Variants in ASTN2 observed in about 807,000 individuals in gnomAD.
ASTN2 encodes astrotactin-2.
Under a neutral mutation model 139.8 loss-of-function variants are expected in ASTN2, and 54 were observed. The observed-to-expected ratio is 0.39, with a 90% CI of 0.31 to 0.48. ASTN2 has a LOEUF of 0.48. ASTN2 is among the 20% of genes least tolerant of loss of function. The pLI, the probability that ASTN2 is intolerant of heterozygous loss-of-function variation, is 0.95. For synonymous variants in ASTN2, 756 were observed against 719.5 expected, an observed-to-expected ratio of 1.05 and a Z score of -0.81; for missense variants, 1,565 against 1,725.1, an observed-to-expected ratio of 0.91 and a Z score of 1.64.
At chr9:116,920,300 G>A (rs1376748054) in intron 10 of ASTN2, among the ~76,000 whole-genome samples, 1 of 152,218 alleles carries the variant, frequency 6.6e-6, no homozygotes, top group African/African-American at 2.4e-5. Flanking sequence ...GCTCTACATA[G>A]AGGCCCTAAA....
chr9:117,386,389 T>C (rs1830400652), intron 1 of ASTN2, among the ~76,000 whole-genome samples: 1 of 152,050 alleles, frequency 6.6e-6, no homozygotes, highest in Admixed American at 6.6e-5. Flanking sequence ...CAGGAAGACA[T>C]GGATATGTAC....
At chr9:116,689,042 G>C (rs569587415) in intron 16 of ASTN2, among the ~76,000 whole-genome samples, 17 of 152,172 alleles carry the variant, frequency 1.1e-4, no homozygotes, top group Middle Eastern at 3.4e-3. Context: ...GGCCTCAAGT[G>C]GGTAGATTAA....
chr9:116,437,590 G>A (rs796465246), intron 22 of ASTN2: 67 of 470,950 alleles, frequency 1.4e-4, no homozygotes, highest in African/African-American at 1.2e-3. Context: ...GATTCCAGGA[G>A]GCTGTAAAGA....
intron 7 of ASTN2, among the ~76,000 whole-genome samples, chr9:116,990,779 T>C (rs893301045): frequency 2.6e-5 from 4 of 152,176 alleles, no homozygotes; most frequent in African/African-American, 9.7e-5. Flanking sequence ...TGGGATATAA[T>C]GGAGAATCAT....
intron 5 of ASTN2, among the ~76,000 whole-genome samples, chr9:117,071,983 C>G (rs770743718): frequency 3.9e-5 from 6 of 152,200 alleles, no homozygotes; most frequent in Non-Finnish European, 7.3e-5. Flanking sequence ...GAGTCAGTCA[C>G]GCTGGGAGCT....
At chr9:116,975,402 A>G (rs1836316714) in intron 9 of ASTN2, 57 bp from the exon 10 acceptor site, 1 of 1,509,850 alleles carries the variant, frequency 6.6e-7, no homozygotes. Context: ...GCAAACAGAA[A>G]AAAGGGGCCC....
At chr9:116,906,498 C>G (rs968498339) in intron 10 of ASTN2, among the ~76,000 whole-genome samples, 1 of 152,118 alleles carries the variant, frequency 6.6e-6, no homozygotes, top group African/African-American at 2.4e-5. Flanking sequence ...ACAGAAGACC[C>G]TTCTCTCATT....
chr9:117,044,563 T>C (rs1838677509), intron 5 of ASTN2, among the ~76,000 whole-genome samples: 1 of 152,182 alleles, frequency 6.6e-6, no homozygotes, highest in Admixed American at 6.5e-5. Flanking sequence ...TAGACAGCCC[T>C]GAGGTGGAAA....
At chr9:116,610,823 A>G (rs1327243445) in intron 19 of ASTN2, 4 of 152,158 alleles carry the variant, frequency 2.6e-5, no homozygotes, top group African/African-American at 7.2e-5. Flanking sequence ...AAAATAAAAC[A>G]TGATAAAACT....
At chr9:116,942,946 A>G (rs889921713) in intron 10 of ASTN2, among the ~76,000 whole-genome samples, 8 of 152,332 alleles carry the variant, frequency 5.3e-5, no homozygotes, top group Admixed American at 4.6e-4. Context: ...TTGTGGTCCC[A>G]TTTCACATCC....
intron 7 of ASTN2, among the ~76,000 whole-genome samples, chr9:116,978,204 A>G (rs527339129): frequency 6.6e-6 from 1 of 151,846 alleles, no homozygotes; most frequent in Non-Finnish European, 1.5e-5. Context: ...TCACCAACTT[A>G]TTTTTCTTTG....
chr9:117,364,044 T>C (rs543475671), intron 1 of ASTN2, among the ~76,000 whole-genome samples: 1 of 152,306 alleles, frequency 6.6e-6, no homozygotes, highest in African/African-American at 2.4e-5. Context: ...TTCTGAGTCA[T>C]ATTCACAGTA....
intron 6 of ASTN2, among the ~76,000 whole-genome samples, chr9:117,024,097 G>A (rs1030273013): frequency 3.9e-5 from 6 of 152,144 alleles, no homozygotes; most frequent in Non-Finnish European, 5.9e-5. Context: ...CCTCAAACGA[G>A]TTCTTCAAGG....
intron 19 of ASTN2, among the ~76,000 whole-genome samples, chr9:116,589,910 AC>A (rs985092254): frequency 6.6e-6 from 1 of 152,062 alleles, no homozygotes; most frequent in Non-Finnish European, 1.5e-5. Flanking sequence ...AGAACCTTCC[AC>A]CCATTTATTC....
chr9:116,947,920 A>C (rs902825360), intron 10 of ASTN2, among the ~76,000 whole-genome samples: 2 of 152,030 alleles, frequency 1.3e-5, no homozygotes, highest in Non-Finnish European at 2.9e-5. Flanking sequence ...TTGTTTTAAT[A>C]GGTAATGTCT....
intron 3 of ASTN2, among the ~76,000 whole-genome samples, chr9:117,161,113 C>CA (rs1830541005): frequency 6.6e-6 from 1 of 151,968 alleles, no homozygotes; most frequent in Admixed American, 6.6e-5. Flanking sequence ...CAGAATATCT[C>CA]AAGTCTCTGA....
chr9:116,792,939 G>A (rs1830595629), intron 13 of ASTN2, among the ~76,000 whole-genome samples: 1 of 152,036 alleles, frequency 6.6e-6, no homozygotes, highest in Admixed American at 6.6e-5. Context: ...GCAGAAACTG[G>A]GGACTACTGA....
intron 1 of ASTN2, among the ~76,000 whole-genome samples, chr9:117,362,406 C>A (rs1275307576): frequency 6.6e-6 from 1 of 152,106 alleles, no homozygotes; most frequent in Non-Finnish European, 1.5e-5. Flanking sequence ...AGTTATCTTG[C>A]CTGCAGCTTT....
intron 1 of ASTN2, among the ~76,000 whole-genome samples, chr9:117,326,011 C>T (rs1051588256): frequency 6.6e-6 from 1 of 152,114 alleles, no homozygotes; most frequent in East Asian, 1.9e-4. Flanking sequence ...GCATTCTCAT[C>T]CCTTTCAGAA....
Sources: allele counts gnomAD v4.1 joint callset (sites outside exome capture counted in the v4.1 genomes callset), GRCh38; gene constraint gnomAD v4.1.1; transcripts MANE v1.5; gene names NCBI Gene and HGNC (gene_info 2026-07-23, HGNC 2026-07-21).